Variants in ADAM32 observed in about 807,000 individuals in gnomAD.
ADAM32 encodes the protein ADAM metallopeptidase domain 32.
ADAM32 carries 89 observed loss-of-function variants against 114.9 expected under a neutral mutation model. The ratio of observed to expected loss-of-function variants is 0.77; its 90% confidence interval spans 0.65 to 0.92. The LOEUF (loss-of-function observed/expected upper bound fraction) is 0.92, where lower values mean the gene tolerates loss of function less well. ADAM32 is among the 40% of genes least tolerant of loss of function. The pLI, the probability that ADAM32 is intolerant of heterozygous loss-of-function variation, is 0.00. For synonymous variants in ADAM32, 285 were observed against 307.5 expected (o/e 0.93, Z 0.77); for missense variants, 870 against 932.8 (o/e 0.93, Z 0.88).
At chr8:39,263,733 A>G (rs1812185115) in intron 19 of ADAM32, among the ~76,000 whole-genome samples, 1 of 152,170 alleles carries the variant, frequency 6.6e-6, no homozygotes, top group Non-Finnish European at 1.5e-5. Context: ...GCACTGGTGG[A>G]TCTGTTTTCT....
Position 39,147,131 on chromosome 8 carries a change from TA to T in ADAM32, c.203del (p.Tyr68PhefsTer3), listed in dbSNP as rs751522628. ...AATTTCCTCTTTTTTTATATTCAGA[TA>T]TTTTTTAGCAGATAATTTTATGATC... is the stretch of plus-strand genomic sequence containing the variant. ...KLYTVHLKQR[Y>X]FLADNFMIYL... is the part of the protein sequence containing the mutation. On this transcript the variant is annotated frameshift_variant and splice_region_variant, in exon 4 of 25. Coordinates refer to ENST00000379907, the MANE Select transcript of ADAM32 (RefSeq NM_145004.7). LOFTEE classifies it high-confidence loss of function. 2.1e-6 allele frequency: 2 copies of T among 973,480 alleles called. No homozygotes were observed. The highest frequency in any genetic ancestry group is 2.7e-5 in the South Asian group (1 of 36,928). 60.3% of individuals were successfully genotyped at this position (973,480 alleles called of 1,614,324 possible).
At chr8:39,192,976 T>A (rs1035453909) in intron 11 of ADAM32, among the ~76,000 whole-genome samples, 16 of 152,158 alleles carry the variant, frequency 1.1e-4, no homozygotes, top group African/African-American at 3.6e-4. Flanking sequence ...CCTTGGAGAA[T>A]GTGATGACTA....
At chr8:39,250,621 A>T (rs1172009265) in intron 17 of ADAM32, among the ~76,000 whole-genome samples, 1 of 152,018 alleles carries the variant, frequency 6.6e-6, no homozygotes, top group Non-Finnish European at 1.5e-5. Flanking sequence ...AATTCATAAA[A>T]ATCAAATCAG....
chr8:39,133,392 G>T (rs1802584017), intron 2 of ADAM32, among the ~76,000 whole-genome samples: 1 of 152,242 alleles, frequency 6.6e-6, no homozygotes, highest in South Asian at 2.1e-4. Context: ...CAACATCAGT[G>T]ATGTCTGTGA....
intron 16 of ADAM32, among the ~76,000 whole-genome samples, chr8:39,245,768 C>G (rs763944254): frequency 6.6e-6 from 1 of 152,088 alleles, no homozygotes. Context: ...ATATAATATC[C>G]TTATTTAGAT....
In ADAM32 at chr8:39,254,460, C is replaced by G; in HGVS notation, c.1949C>G (p.Pro650Arg). 2.5e-6 allele frequency: 4 copies of G among 1,602,540 alleles called. No homozygotes were observed. The highest frequency in any genetic ancestry group is 3.4e-6 in the Non-Finnish European group (4 of 1,174,010). The change falls in exon 18 of 25, where the codon CCT (proline) becomes CGT (arginine). Residue 650 changes from proline (P) to arginine (R), a missense_variant. Pro to Arg is a moderately radical substitution (Grantham distance 103). Transcript: ENST00000379907. Reference protein sequence around the residue: ...NKCHCSPGYKPPNCQIRSKGF... With the variant: ...NKCHCSPGYKRPNCQIRSKGF... ...TGCCATTGTTCGCCAGGCTATAAGC[C>G]TCCAAACTGCCAAATACGTTCCAAA...
At position 39,257,149 on chromosome 8, in the gene ADAM32, A is replaced by AT. The variant is rs1167751679; in HGVS notation, c.2006-31dup. On this transcript the variant is annotated intron_variant, in intron 18 of 24. Transcript: ENST00000379907. ...CTTGAAAGTAAAAGTAGATAGTTTA[A>AT]TTTTTTTGTTTTTTTTTTTTTGTAT... is the stretch of plus-strand genomic sequence containing the variant. 1.9e-4 allele frequency: 273 copies of AT among 1,472,550 alleles called. No individual in the cohort carries two copies. The African/African-American group carries it at 3.5e-3, about 19-fold the overall frequency. 91.2% of individuals were successfully genotyped at this position (1,472,550 alleles called of 1,614,324 possible).
At position 39,260,485 on chromosome 8, in the gene ADAM32, T is replaced by C. The variant is rs1811955057; in HGVS notation, c.2162+3142T>C. Among the ~76,000 whole-genome samples the C allele has an allele frequency of 2.6e-5, 4 of 152,276 alleles. No homozygotes were observed. The South Asian group carries it at 8.3e-4, about 32-fold the overall frequency. On this transcript the variant is annotated intron_variant, in intron 19 of 24. Coordinates refer to ENST00000379907, the MANE Select transcript of ADAM32 (RefSeq NM_145004.7). Reference sequence around the variant, plus strand: ...CTTATAATACATGGCTTTTGTTATGTTGAGGTATATTTCTTCTATGACAAA... The same window carrying C: ...CTTATAATACATGGCTTTTGTTATGCTGAGGTATATTTCTTCTATGACAAA...
chr8:39,126,509 T>A (rs1475357406), intron 2 of ADAM32, among the ~76,000 whole-genome samples: 2 of 152,208 alleles, frequency 1.3e-5, no homozygotes, highest in African/African-American at 2.4e-5. Context: ...ATGCTAGTGA[T>A]TTTTGCACAT....
intron 10 of ADAM32, among the ~76,000 whole-genome samples, chr8:39,172,914 C>T (rs567713585): frequency 4.6e-5 from 7 of 152,332 alleles, no homozygotes; most frequent in Admixed American, 2.0e-4. Flanking sequence ...TGAGGAATTG[C>T]CACAGTGTCT....
chr8:39,243,904 G>C (rs886655823), intron 16 of ADAM32, among the ~76,000 whole-genome samples: 1 of 151,968 alleles, frequency 6.6e-6, no homozygotes, highest in Non-Finnish European at 1.5e-5. Context: ...CATCAAAAAA[G>C]CTCCGAGATT....
At chr8:39,118,013 T>G (rs1840447356) in intron 1 of ADAM32, 73 bp from the exon 2 acceptor site, 1 of 1,029,584 alleles carries the variant, frequency 9.7e-7, no homozygotes, top group Non-Finnish European at 1.4e-6. Flanking sequence ...GTAAACTTTA[T>G]GAAAGAAACT....
At chr8:39,259,932 A>G (rs1811918904) in intron 19 of ADAM32, among the ~76,000 whole-genome samples, 1 of 152,190 alleles carries the variant, frequency 6.6e-6, no homozygotes, top group African/African-American at 2.4e-5. Context: ...CAGATTTGAT[A>G]GTGTTGTATG....
intron 3 of ADAM32, among the ~76,000 whole-genome samples, chr8:39,142,513 G>A (rs975374186): frequency 2.1e-4 from 32 of 152,112 alleles, no homozygotes; most frequent in Non-Finnish European, 5.9e-5. Flanking sequence ...TTTTCTTTAC[G>A]AATGTTGAAT....
intron 2 of ADAM32, among the ~76,000 whole-genome samples, chr8:39,136,296 A>G (rs1039896629): frequency 1.3e-5 from 2 of 152,174 alleles, no homozygotes; most frequent in Non-Finnish European, 2.9e-5. Flanking sequence ...TTTATGGTGG[A>G]CAGAGTAAGC....
At chr8:39,282,045 A>G (rs1032113213) in intron 23 of ADAM32, among the ~76,000 whole-genome samples, 2 of 152,188 alleles carry the variant, frequency 1.3e-5, no homozygotes, top group African/African-American at 2.4e-5. Context: ...GCACCCTTTT[A>G]CAGTCATCAG....
intron 2 of ADAM32, among the ~76,000 whole-genome samples, chr8:39,126,262 G>A (rs1474400108): frequency 6.6e-6 from 1 of 151,968 alleles, no homozygotes; most frequent in African/African-American, 2.4e-5. Context: ...ATTTTTGGTA[G>A]GCCATAAATT....
chr8:39,196,277 A>G (rs769993369), intron 11 of ADAM32, among the ~76,000 whole-genome samples: 1 of 152,102 alleles, frequency 6.6e-6, no homozygotes, highest in African/African-American at 2.4e-5. Flanking sequence ...AGAGCATGTC[A>G]CCTACAAGGA....
chr8:39,164,958 C>G, intron 8 of ADAM32, 72 bp from the exon 9 acceptor site: 1 of 1,513,842 alleles, frequency 6.6e-7, no homozygotes. Flanking sequence ...ATTGTAAAAA[C>G]TTTGAATTTC....
Sources: allele counts gnomAD v4.1 joint callset (sites outside exome capture counted in the v4.1 genomes callset), GRCh38; gene constraint gnomAD v4.1.1; transcripts MANE v1.5; gene names NCBI Gene and HGNC (gene_info 2026-07-23, HGNC 2026-07-21).